Variants in CALN1 observed in about 807,000 individuals in gnomAD.
CALN1 encodes the protein calneuron 1.
Under a neutral mutation model 30.6 loss-of-function variants are expected in CALN1, and 17 were observed. That is an observed-to-expected ratio of 0.56 (90% CI 0.38 to 0.83). The LOEUF is 0.83. CALN1 is among the 40% of genes least tolerant of loss of function. The pLI, the probability that CALN1 is intolerant of heterozygous loss-of-function variation, is 0.00. For synonymous variants in CALN1, 156 were observed against 131.4 expected (o/e 1.19, Z -1.28); for missense variants, 291 against 354.9 (o/e 0.82, Z 1.45).
At chr7:72,385,075 T>C (rs552704813) in intron 2 of CALN1, among the ~76,000 whole-genome samples, 24 of 152,332 alleles carry the variant, frequency 1.6e-4, no homozygotes, top group South Asian at 1.0e-3. Flanking sequence ...GCGCTCGTCA[T>C]AGAGAATTGA....
chr7:72,087,460 G>C (rs1405085634), intron 4 of CALN1, among the ~76,000 whole-genome samples: 2 of 152,124 alleles, frequency 1.3e-5, no homozygotes, highest in African/African-American at 2.4e-5. Context: ...TCAATCGTCT[G>C]ACTCAGCAAC....
chr7:71,931,704 T>C (rs1795562654), intron 5 of CALN1, among the ~76,000 whole-genome samples: 1 of 152,216 alleles, frequency 6.6e-6, no homozygotes. Flanking sequence ...AGGGATACAG[T>C]GCAATCCCAG....
intron 5 of CALN1, among the ~76,000 whole-genome samples, chr7:71,992,298 T>C (rs1798996316): frequency 6.6e-6 from 1 of 152,242 alleles, no homozygotes; most frequent in Non-Finnish European, 1.5e-5. Context: ...TAAGAAAATG[T>C]TATAATTCTA....
chr7:71,931,640 G>A (rs780788059), intron 5 of CALN1, among the ~76,000 whole-genome samples: 8 of 152,324 alleles, frequency 5.3e-5, no homozygotes, highest in Non-Finnish European at 8.8e-5. Context: ...GTAATTTCAC[G>A]ACATGGTAGT....
chr7:71,949,429 A>G (rs1796576109), intron 5 of CALN1, among the ~76,000 whole-genome samples: 1 of 152,012 alleles, frequency 6.6e-6, no homozygotes, highest in Non-Finnish European at 1.5e-5. Context: ...TGTTGCCCAG[A>G]CTGGAGTGCA....
At chr7:71,893,434 C>A (rs190634912) in intron 5 of CALN1, among the ~76,000 whole-genome samples, 4 of 152,208 alleles carry the variant, frequency 2.6e-5, no homozygotes, top group Admixed American at 2.6e-4. Flanking sequence ...TGCCTGTAAT[C>A]CCAGCACTTT....
At chr7:72,361,265 C>T (rs1803552734) in intron 2 of CALN1, among the ~76,000 whole-genome samples, 1 of 152,122 alleles carries the variant, frequency 6.6e-6, no homozygotes, top group African/African-American at 2.4e-5. Flanking sequence ...CCTCCAGAGC[C>T]TTGGTCCCTG....
chr7:72,006,390 GA>G (rs968226348), intron 5 of CALN1, among the ~76,000 whole-genome samples: 1 of 152,072 alleles, frequency 6.6e-6, no homozygotes, highest in Non-Finnish European at 1.5e-5. Context: ...GCAAAAGATG[GA>G]AAATAAAATA....
chr7:71,796,210 G>T (rs1431783684), intron 6 of CALN1, among the ~76,000 whole-genome samples: 2 of 151,954 alleles, frequency 1.3e-5, no homozygotes, highest in African/African-American at 2.4e-5. Flanking sequence ...ATAAACGTTT[G>T]GGTTCCTTCC....
At chr7:72,232,900 T>C (rs13247156) in intron 3 of CALN1, among the ~76,000 whole-genome samples, 17,584 of 152,252 alleles carry the variant, frequency 0.12, 1,491 homozygotes, top group East Asian at 0.43. Context: ...ATATTGGGTA[T>C]AGTGATGACA....
the CALN1 span, among the ~76,000 whole-genome samples, chr7:72,503,694 T>C: frequency 6.6e-6 from 1 of 152,108 alleles, no homozygotes; most frequent in South Asian, 2.1e-4. Flanking sequence ...TGAGTCTGTT[T>C]TCCTAATCTA....
chr7:71,947,059 G>A (rs1009645312), intron 5 of CALN1, among the ~76,000 whole-genome samples: 1 of 151,980 alleles, frequency 6.6e-6, no homozygotes, highest in South Asian at 2.1e-4. Flanking sequence ...CACCTAGGCT[G>A]GAGTGAAGTG....
At chr7:72,056,047 C>A (rs1315081964) in intron 4 of CALN1, among the ~76,000 whole-genome samples, 1 of 151,992 alleles carries the variant, frequency 6.6e-6, no homozygotes, top group East Asian at 1.9e-4. Context: ...CATTTAGGAC[C>A]CATATGAAGA....
intron 5 of CALN1, among the ~76,000 whole-genome samples, chr7:71,971,977 G>GAAAGAAAGAAAA (rs1797853637): frequency 1.0e-5 from 1 of 98,808 alleles, no homozygotes; most frequent in Non-Finnish European, 2.2e-5. Context: ...AAGAAAGAAA[G>GAAAGAAAGAAAA]AAAGAAAGAA....
At chr7:71,957,895 T>C (rs1256062876) in intron 5 of CALN1, among the ~76,000 whole-genome samples, 1 of 151,526 alleles carries the variant, frequency 6.6e-6, no homozygotes, top group Non-Finnish European at 1.5e-5. Flanking sequence ...TGAAACCCCA[T>C]CTCTATTAAA....
chr7:72,337,959 C>T (rs994461305), intron 2 of CALN1, among the ~76,000 whole-genome samples: 14 of 152,208 alleles, frequency 9.2e-5, no homozygotes, highest in Admixed American at 9.2e-4. Context: ...CCAGACAGAC[C>T]CCTGCCCCAG....
intron 5 of CALN1, among the ~76,000 whole-genome samples, chr7:71,958,080 AAAAG>A (rs1263942475): frequency 1.8e-4 from 26 of 145,572 alleles, no homozygotes; most frequent in Non-Finnish European, 2.4e-4. Context: ...AAAAAAAAAA[AAAAG>A]AAAGAAAGAA....
intron 2 of CALN1, among the ~76,000 whole-genome samples, chr7:72,333,573 T>G (rs1801814877): frequency 6.6e-6 from 1 of 152,132 alleles, no homozygotes; most frequent in Non-Finnish European, 1.5e-5. Context: ...CAGAGGCTGT[T>G]GCTGGTTGCA....
At chr7:72,332,206 G>A (rs35537723) in intron 2 of CALN1, among the ~76,000 whole-genome samples, 48,916 of 152,028 alleles carry the variant, frequency 0.32, 9,591 homozygotes, top group Middle Eastern at 0.51. Context: ...TCCTTGTAGA[G>A]CAGGGCTATT....
Sources: gnomAD v4.1 joint callset for allele counts (sites outside exome capture counted in the v4.1 genomes callset) on GRCh38, gnomAD v4.1.1 for gene constraint, MANE v1.5 for transcripts, NCBI Gene and HGNC (gene_info 2026-07-23, HGNC 2026-07-21) for gene names.